Variants in RSRC1 observed in about 807,000 individuals in gnomAD.
RSRC1 encodes the protein arginine and serine rich coiled-coil 1, also known as serine/Arginine-related protein 53.
A neutral mutation model predicts 49.1 loss-of-function variants in RSRC1; 39 were observed. That is an observed-to-expected ratio of 0.79 (90% CI 0.61 to 1.04). The LOEUF (loss-of-function observed/expected upper bound fraction) is 1.04. Ranked by LOEUF, RSRC1 falls within the 50% of genes least tolerant of loss-of-function variation. The pLI, the probability that RSRC1 is intolerant of heterozygous loss-of-function variation, is 0.00. For synonymous variants in RSRC1, 143 were observed against 130.8 expected (o/e 1.09, Z -0.63); for missense variants, 388 against 402.4 (o/e 0.96, Z 0.31).
intron 3 of RSRC1, among the ~76,000 whole-genome samples, chr3:158,133,309 A>G (rs911035628): frequency 6.6e-6 from 1 of 151,964 alleles, no homozygotes; most frequent in African/African-American, 2.4e-5. Flanking sequence ...TTTGTCTTGT[A>G]TCTGAAAATG....
chr3:158,299,865 A>G (rs1727439740), intron 5 of RSRC1, among the ~76,000 whole-genome samples: 1 of 152,128 alleles, frequency 6.6e-6, no homozygotes, highest in African/African-American at 2.4e-5. Context: ...CTGCCCAGAA[A>G]GCTCTCCACA....
At chr3:158,397,702 T>C (rs1038913988) in intron 6 of RSRC1, among the ~76,000 whole-genome samples, 1 of 152,144 alleles carries the variant, frequency 6.6e-6, no homozygotes, top group Non-Finnish European at 1.5e-5. Context: ...ACAAGTTTTC[T>C]TTCAAGCCCT....
chr3:158,287,333 T>C (rs973905860), intron 4 of RSRC1, among the ~76,000 whole-genome samples: 3 of 152,192 alleles, frequency 2.0e-5, no homozygotes, highest in African/African-American at 7.2e-5. Flanking sequence ...AATTGACATT[T>C]AAATATTTGT....
intron 6 of RSRC1, among the ~76,000 whole-genome samples, chr3:158,431,219 A>G (rs986446978): frequency 6.6e-6 from 1 of 151,744 alleles, no homozygotes; most frequent in Non-Finnish European, 1.5e-5. Flanking sequence ...TCTTGATGTC[A>G]TCAGCTTGGT....
At chr3:158,137,649 CTTTTTCTTTTT>C (rs1716462595) in intron 3 of RSRC1, among the ~76,000 whole-genome samples, 1 of 103,406 alleles carries the variant, frequency 9.7e-6, no homozygotes, top group African/African-American at 3.5e-5. Context: ...GTGACTTTTT[CTTTTTCTTTTT>C]TTTTTTTTTT....
chr3:158,449,732 C>G (rs1736915989), intron 6 of RSRC1, among the ~76,000 whole-genome samples: 1 of 151,898 alleles, frequency 6.6e-6, no homozygotes, highest in Non-Finnish European at 1.5e-5. Context: ...TTACATTTTT[C>G]TGAGACTTGA....
intron 1 of RSRC1, among the ~76,000 whole-genome samples, chr3:158,112,094 C>G (rs1003313072): frequency 1.3e-5 from 2 of 152,166 alleles, no homozygotes; most frequent in Non-Finnish European, 2.9e-5. Flanking sequence ...AGAGTGAGAA[C>G]AGGAAACCAA....
At chr3:158,214,439 T>C (rs1721845814) in intron 4 of RSRC1, among the ~76,000 whole-genome samples, 1 of 151,830 alleles carries the variant, frequency 6.6e-6, no homozygotes, top group Non-Finnish European at 1.5e-5. Context: ...TTTATTGATT[T>C]CTGTTCTTTA....
intron 4 of RSRC1, among the ~76,000 whole-genome samples, chr3:158,215,970 T>G (rs1721922944): frequency 6.6e-6 from 1 of 151,648 alleles, no homozygotes; most frequent in Non-Finnish European, 1.5e-5. Context: ...TTTGAGCTTC[T>G]GCTTGAGATA....
intron 6 of RSRC1, among the ~76,000 whole-genome samples, chr3:158,411,722 A>G (rs535745062): frequency 5.1e-4 from 77 of 152,150 alleles, no homozygotes; most frequent in African/African-American, 1.8e-3. Flanking sequence ...AAAATGGTTT[A>G]CCAGCTTTTC....
intron 4 of RSRC1, among the ~76,000 whole-genome samples, chr3:158,211,567 A>G (rs372987901): frequency 6.6e-6 from 1 of 151,990 alleles, no homozygotes; most frequent in Non-Finnish European, 1.5e-5. Context: ...TTGCATTGCT[A>G]TCAATTATCT....
chr3:158,479,139 T>TG (rs1738509087), intron 7 of RSRC1, among the ~76,000 whole-genome samples: 1 of 150,966 alleles, frequency 6.6e-6, no homozygotes, highest in African/African-American at 2.4e-5. Context: ...TGTTACTGCC[T>TG]TGTGGACACA....
At chr3:158,365,608 A>AC (rs1192827407) in intron 6 of RSRC1, among the ~76,000 whole-genome samples, 1 of 152,218 alleles carries the variant, frequency 6.6e-6, no homozygotes, top group African/African-American at 2.4e-5. Flanking sequence ...CAGTAAACAT[A>AC]CATGTGCATG....
chr3:158,543,604 C>A, intron 9 of RSRC1, 117 bp downstream of exon 9: 1 of 1,113,196 alleles, frequency 9.0e-7, no homozygotes, highest in Non-Finnish European at 1.3e-6. Context: ...GGTTCATATT[C>A]CCTTGCTAAA....
intron 7 of RSRC1, among the ~76,000 whole-genome samples, chr3:158,481,901 T>C (rs1738626726): frequency 6.6e-6 from 1 of 152,058 alleles, no homozygotes; most frequent in African/African-American, 2.4e-5. Flanking sequence ...ACCATTTCTG[T>C]ATGTAGACTT....
At chr3:158,224,634 G>A (rs1242950127) in intron 4 of RSRC1, among the ~76,000 whole-genome samples, 2 of 151,678 alleles carry the variant, frequency 1.3e-5, no homozygotes, top group East Asian at 1.9e-4. Flanking sequence ...AGTGCAGGTG[G>A]GGTATAAAGC....
At chr3:158,192,102 T>C (rs1720275658) in intron 3 of RSRC1, among the ~76,000 whole-genome samples, 1 of 152,020 alleles carries the variant, frequency 6.6e-6, no homozygotes, top group Non-Finnish European at 1.5e-5. Context: ...TTTTGCTACT[T>C]GCAATCTATA....
Position 158,543,317 on chromosome 3 carries a change from ATG to A in RSRC1, c.760-14_760-13del. ...AATTGTGTATTGTGTTGAAATTAAT[ATG>A]TGTTGTTTCTTTCAGTCAGTGGAAC... is the stretch of plus-strand genomic sequence containing the variant. On this transcript the variant is annotated splice_polypyrimidine_tract_variant and intron_variant, in intron 8 of 9. Coordinates refer to ENST00000611884, the MANE Select transcript of RSRC1 (RefSeq NM_001271838.2). The A allele has an allele frequency of 6.6e-7, 1 of 1,510,244 alleles. No homozygotes were observed. The highest frequency in any genetic ancestry group is 1.8e-4 in the Middle Eastern group (1 of 5,698). The allele number at this position is 1,510,244 out of a possible 1,614,324, so 93.6% of individuals were successfully genotyped here. A position where few individuals can be genotyped will look rare whatever the true frequency, so the allele number is the denominator to read the frequency against.
chr3:158,527,320 A>G (rs1485402900), intron 7 of RSRC1, among the ~76,000 whole-genome samples: 1 of 151,890 alleles, frequency 6.6e-6, no homozygotes, highest in Non-Finnish European at 1.5e-5. Context: ...AAACTTGCAA[A>G]CAGAGGCAAA....
Sources: gnomAD v4.1 joint callset for allele counts (sites outside exome capture counted in the v4.1 genomes callset) on GRCh38, gnomAD v4.1.1 for gene constraint, MANE v1.5 for transcripts, NCBI Gene and HGNC (gene_info 2026-07-23, HGNC 2026-07-21) for gene names.